PAM: variants seen among roughly 807,000 people sequenced by gnomAD.
The protein encoded by PAM is peptidylglycine alpha-amidating monooxygenase.
Under a neutral mutation model 122.1 loss-of-function variants are expected in PAM, and 72 were observed. The ratio of observed to expected loss-of-function variants is 0.59; its 90% confidence interval spans 0.49 to 0.72. PAM has a LOEUF of 0.72. PAM is among the 30% of genes least tolerant of loss of function. The pLI, the probability that PAM is intolerant of heterozygous loss-of-function variation, is 0.00. For synonymous variants in PAM, 389 were observed against 404.4 expected, an observed-to-expected ratio of 0.96 and a Z score of 0.46; for missense variants, 1,106 against 1,183.7, an observed-to-expected ratio of 0.93 and a Z score of 0.96.
At chr5:103,021,258 A>G (rs1582991387) in intron 23 of PAM, among the ~76,000 whole-genome samples, 1 of 152,186 alleles carries the variant, frequency 6.6e-6, no homozygotes, top group Non-Finnish European at 1.5e-5. Flanking sequence ...CACTATTGCT[A>G]TACTGCTGAG....
At chr5:103,016,884 T>C (rs1165213631) in intron 21 of PAM, among the ~76,000 whole-genome samples, 1 of 152,182 alleles carries the variant, frequency 6.6e-6, no homozygotes, top group Non-Finnish European at 1.5e-5. Context: ...TAGCACATGA[T>C]AGCTTGATGG....
chr5:102,847,671 A>G (rs1780282463), intron 1 of PAM, among the ~76,000 whole-genome samples: 1 of 152,232 alleles, frequency 6.6e-6, no homozygotes, highest in South Asian at 2.1e-4. Flanking sequence ...TTAGGTTAAT[A>G]TCATTCCGCT....
At chr5:102,893,494 A>T (rs1442363596) in intron 3 of PAM, among the ~76,000 whole-genome samples, 2 of 151,728 alleles carry the variant, frequency 1.3e-5, no homozygotes, top group Non-Finnish European at 2.9e-5. Context: ...GAAAACCCAA[A>T]ACCTTGCACA....
Position 102,949,963 on chromosome 5 carries a change from C to A in PAM, c.786C>A (p.Ser262Arg). Residue 262 changes from serine (S) to arginine (R), a missense_variant, in exon 11 of 26, where the codon AGC (serine) becomes AGA (arginine). By Grantham distance (110) the Ser-to-Arg change is moderately radical. Transcript: ENST00000438793. ...AGTGGACACTGATTGGACGGCAGAG[C>A]CCTCAGCTGCCACAGGTGGGTAAAA... ...NGQWTLIGRQSPQLPQAFYPV... is the reference protein window; with the variant it reads ...NGQWTLIGRQRPQLPQAFYPV... The A allele has an allele frequency of 1.9e-6, 3 of 1,565,678 alleles. No homozygotes were observed. Among genetic ancestry groups the A allele is most frequent in the African/African-American group, 1.4e-5 (1 of 74,002 alleles).
intron 22 of PAM, 86 bp downstream of exon 22, chr5:103,017,519 TA>T (rs750475365): frequency 1.2e-6 from 1 of 835,212 alleles, no homozygotes; most frequent in Non-Finnish European, 2.0e-6. Context: ...TGCATTTCCT[TA>T]TCTTTTTACT....
At chr5:102,777,187 TTATGAATGGA>T (rs1285294051) in intron 1 of PAM, among the ~76,000 whole-genome samples, 1 of 152,058 alleles carries the variant, frequency 6.6e-6, no homozygotes, top group Non-Finnish European at 1.5e-5. Flanking sequence ...TGAAGCAACA[TTATGAATGGA>T]TATAATCTAG....
At chr5:102,843,885 T>C (rs1779299652) in intron 1 of PAM, among the ~76,000 whole-genome samples, 1 of 152,124 alleles carries the variant, frequency 6.6e-6, no homozygotes, top group Non-Finnish European at 1.5e-5. Flanking sequence ...AGAGAAATGG[T>C]TCACTCATAC....
chr5:103,019,993 C>T, intron 23 of PAM, 150 bp downstream of exon 23: 2 of 638,242 alleles, frequency 3.1e-6, no homozygotes, highest in East Asian at 2.7e-5. Flanking sequence ...AGCCTTTAAA[C>T]CTGTATGTTG....
rs186783348 is a variant in PAM at position 102,907,307 on chromosome 5, T to C, written c.268+5894T>C. On this transcript the variant is annotated intron_variant, in intron 4 of 25. Coordinates refer to ENST00000438793, the MANE Select transcript of PAM (RefSeq NM_001177306.2). The stretch of plus-strand genomic sequence containing the variant: ...CCCTACAAAGGACATGAACTCATCC[T>C]TTTTTATGGCTGCATAGTATTCCAT... Among the ~76,000 whole-genome samples the C allele has an allele frequency of 2.0e-5, 3 of 151,928 alleles. No homozygotes were observed. The South Asian group carries it at 6.2e-4, about 32-fold the overall frequency.
At chr5:102,940,701 T>G (rs888071990) in intron 7 of PAM, among the ~76,000 whole-genome samples, 1 of 152,090 alleles carries the variant, frequency 6.6e-6, no homozygotes, top group African/African-American at 2.4e-5. Context: ...GTTAAATGTT[T>G]CTTTTGGTTT....
intron 5 of PAM, among the ~76,000 whole-genome samples, chr5:102,918,706 G>A (rs1746344501): frequency 6.6e-6 from 1 of 151,982 alleles, no homozygotes; most frequent in Non-Finnish European, 1.5e-5. Flanking sequence ...TATACAAATT[G>A]TGTTGGCATT....
At chr5:102,886,309 T>G (rs1040807872) in intron 3 of PAM, among the ~76,000 whole-genome samples, 1 of 152,018 alleles carries the variant, frequency 6.6e-6, no homozygotes, top group African/African-American at 2.4e-5. Context: ...AATTCAAACC[T>G]TCTAGCAAAT....
At chr5:102,968,147 C>T (rs984152304) in intron 14 of PAM, among the ~76,000 whole-genome samples, 4 of 151,854 alleles carry the variant, frequency 2.6e-5, no homozygotes, top group African/African-American at 9.7e-5. Context: ...AAGAGAAACC[C>T]AGTTAAAGAA....
In PAM at chr5:102,990,229, C is replaced by T. The variant is rs565174016; in HGVS notation, c.1484-43C>T. ...TATTATGAATCCTCATGAGGCAATTCGACCTTTCCCTTTTACACTAAATGT... is the reference window on the plus strand; with the variant it reads ...TATTATGAATCCTCATGAGGCAATTTGACCTTTCCCTTTTACACTAAATGT... On this transcript the variant is annotated intron_variant, in intron 15 of 25. Transcript: ENST00000438793. 2.0e-5 allele frequency: 28 copies of T among 1,429,008 alleles called. No homozygotes were observed. The South Asian group carries it at 3.1e-4, about 16-fold the overall frequency. The allele number at this position is 1,429,008 out of a possible 1,614,324, so 88.5% of individuals were successfully genotyped here.
At chr5:102,970,937 G>C (rs567764693) in intron 14 of PAM, among the ~76,000 whole-genome samples, 23 of 152,148 alleles carry the variant, frequency 1.5e-4, no homozygotes, top group Admixed American at 3.3e-4. Flanking sequence ...CTCCTAAGTA[G>C]CTGGGATTAC....
intron 22 of PAM, among the ~76,000 whole-genome samples, chr5:103,019,548 C>A (rs543195833): frequency 6.6e-6 from 1 of 152,228 alleles, no homozygotes; most frequent in Non-Finnish European, 1.5e-5. Flanking sequence ...ATGAACTCTA[C>A]AAGAAATAAC....
At position 102,974,413 on chromosome 5, in the gene PAM, C is replaced by T; in HGVS notation, c.1460C>T (p.Thr487Ile). 1 of 1,613,104 alleles carries T rather than the reference C, an allele frequency of 6.2e-7. No homozygotes were observed. The highest frequency in any genetic ancestry group is 8.5e-7 in the Non-Finnish European group (1 of 1,179,314). Reference sequence around the variant, plus strand: ...CAGCAGCCCCCACCTGGTGAAGGCACCTGGGAACCAGAACACACAGGAGGT... The same window carrying T: ...CAGCAGCCCCCACCTGGTGAAGGCATCTGGGAACCAGAACACACAGGAGGT... ...SLQQPPPGEG[T>I]WEPEHTGDFH... The change falls in exon 15 of 26, where the codon ACC becomes ATC. Residue 487 changes from threonine to isoleucine, a missense_variant. Coordinates refer to ENST00000438793, the MANE Select transcript of PAM (RefSeq NM_001177306.2).
At chr5:102,841,913 A>G (rs1009296217) in intron 1 of PAM, among the ~76,000 whole-genome samples, 5 of 152,146 alleles carry the variant, frequency 3.3e-5, no homozygotes, top group African/African-American at 4.8e-5. Flanking sequence ...AACATCTGAA[A>G]AATATGCCTA....
chr5:102,790,604 AC>A (rs1761803039), intron 1 of PAM, among the ~76,000 whole-genome samples: 1 of 152,094 alleles, frequency 6.6e-6, no homozygotes. Flanking sequence ...AGACAGAGAT[AC>A]TTTTGCCAGG....
Sources: allele counts gnomAD v4.1 joint callset (sites outside exome capture counted in the v4.1 genomes callset), GRCh38; gene constraint gnomAD v4.1.1; transcripts MANE v1.5; gene names NCBI Gene and HGNC (gene_info 2026-07-23, HGNC 2026-07-21).